The following TMEM131L variants were observed in gnomAD, a reference collection of about 807,000 sequenced individuals.
TMEM131L encodes transmembrane protein 131-like.
In TMEM131L, 54 loss-of-function variants were observed where a neutral mutation model predicts 192.2. That is an observed-to-expected ratio of 0.28 (90% CI 0.23 to 0.35). The LOEUF (loss-of-function observed/expected upper bound fraction) is 0.35, where lower values mean the gene tolerates loss of function less well. Ranked by LOEUF, TMEM131L falls within the 10% of genes least tolerant of loss-of-function variation. The pLI, the probability that TMEM131L is intolerant of heterozygous loss-of-function variation, is 1.00. For missense variants in TMEM131L, 1,888 were observed against 1,972.9 expected (o/e 0.96, Z 0.82); for synonymous variants, 701 against 704.9 (o/e 0.99, Z 0.09).
At chr4:153,504,351 C>T (rs1253517858) in intron 3 of TMEM131L, among the ~76,000 whole-genome samples, 1 of 129,716 alleles carries the variant, frequency 7.7e-6, no homozygotes, top group African/African-American at 2.9e-5. Flanking sequence ...GTGATCTCGG[C>T]TCACTGCAAC....
intron 3 of TMEM131L, among the ~76,000 whole-genome samples, chr4:153,483,096 G>A (rs1414600720): frequency 1.3e-5 from 2 of 152,062 alleles, no homozygotes; most frequent in African/African-American, 4.8e-5. Context: ...AAAACACTTC[G>A]TTAATGTCAA....
At chr4:153,601,064 T>A (rs1229662450) in intron 21 of TMEM131L, among the ~76,000 whole-genome samples, 1 of 150,234 alleles carries the variant, frequency 6.7e-6, no homozygotes, top group Non-Finnish European at 1.5e-5. Context: ...GAGCTGAGAT[T>A]GTATCACTGC....
At chr4:153,476,822 T>C (rs542332320) in intron 3 of TMEM131L, among the ~76,000 whole-genome samples, 1 of 152,326 alleles carries the variant, frequency 6.6e-6, no homozygotes, top group South Asian at 2.1e-4. Flanking sequence ...TTTAAAAAAA[T>C]GGATAATGGT....
intron 7 of TMEM131L, 57 bp downstream of exon 7, chr4:153,558,425 C>T: frequency 3.0e-6 from 3 of 1,004,572 alleles, no homozygotes; most frequent in South Asian, 1.4e-5. Flanking sequence ...GTAACCTTCT[C>T]AGAATTGGTT....
chr4:153,540,506 A>T (rs540248474), intron 3 of TMEM131L, among the ~76,000 whole-genome samples: 1 of 152,222 alleles, frequency 6.6e-6, no homozygotes, highest in African/African-American at 2.4e-5. Flanking sequence ...CATATGTGTT[A>T]TGTATTGTAG....
At position 153,611,234 on chromosome 4, in the gene TMEM131L, G is replaced by A. The variant is rs549506856; in HGVS notation, c.3419-1018G>A. Among the ~76,000 whole-genome samples, 10 of 152,336 alleles carry A rather than the reference G, an allele frequency of 6.6e-5. No individual in the cohort carries two copies. In the South Asian group the frequency reaches 2.1e-3, roughly 32 times the overall value. ...CCATGAAACAGTCATGTGTCCTTTG[G>A]TGGGGATGCTTTACGTTTGTATCTG... On this transcript the variant is annotated intron_variant, in intron 25 of 34. Coordinates refer to ENST00000409959, the MANE Select transcript of TMEM131L (RefSeq NM_001131007.2).
At chr4:153,488,664 A>G (rs993813598) in intron 3 of TMEM131L, among the ~76,000 whole-genome samples, 1 of 152,162 alleles carries the variant, frequency 6.6e-6, no homozygotes, top group East Asian at 1.9e-4. Flanking sequence ...CTCAAGTTCA[A>G]GTGTGGTGTA....
chr4:153,527,323 AGTGCAGTG>A (rs1193528648), intron 3 of TMEM131L, among the ~76,000 whole-genome samples: 2 of 150,702 alleles, frequency 1.3e-5, no homozygotes, highest in African/African-American at 5.0e-5. Context: ...CCCAGGCTGT[AGTGCAGTG>A]GTACGATCTC....
chr4:153,542,816 G>A (rs1405606545), intron 3 of TMEM131L, among the ~76,000 whole-genome samples: 1 of 152,212 alleles, frequency 6.6e-6, no homozygotes, highest in Non-Finnish European at 1.5e-5. Context: ...AAATCCTGGA[G>A]AGGGCAGGAC....
At chr4:153,507,609 G>A (rs952874468) in intron 3 of TMEM131L, among the ~76,000 whole-genome samples, 12 of 152,088 alleles carry the variant, frequency 7.9e-5, no homozygotes, top group Admixed American at 4.6e-4. Flanking sequence ...CTATCAAACC[G>A]TATTACCCAG....
intron 3 of TMEM131L, among the ~76,000 whole-genome samples, chr4:153,506,317 A>G (rs957715478): frequency 2.0e-5 from 3 of 152,246 alleles, no homozygotes; most frequent in African/African-American, 7.2e-5. Context: ...GACTGTCATC[A>G]CATTTCTCAA....
Position 153,548,541 on chromosome 4 carries a change from G to C in TMEM131L, c.240-1532G>C, listed in dbSNP as rs968073972. ...GATAGCCTTGATCTCCTGACCTTGTGATCTGTCCGCCTCAGCCTCCCAAAG... is the reference window on the plus strand; with the variant it reads ...GATAGCCTTGATCTCCTGACCTTGTCATCTGTCCGCCTCAGCCTCCCAAAG... On this transcript the variant is annotated intron_variant, in intron 3 of 34. Coordinates refer to ENST00000409959, the MANE Select transcript of TMEM131L (RefSeq NM_001131007.2). Among the ~76,000 whole-genome samples, 4 of 152,298 alleles carry C rather than the reference G, an allele frequency of 2.6e-5. No homozygotes were observed. The East Asian group carries it at 5.8e-4, about 22-fold the overall frequency.
intron 2 of TMEM131L, among the ~76,000 whole-genome samples, chr4:153,469,026 C>G (rs1268618189): frequency 6.6e-6 from 1 of 152,118 alleles, no homozygotes; most frequent in African/African-American, 2.4e-5. Flanking sequence ...ATGGAAATGT[C>G]AAGGCCTAAA....
intron 3 of TMEM131L, among the ~76,000 whole-genome samples, chr4:153,536,380 A>G (rs931754260): frequency 1.1e-4 from 16 of 152,258 alleles, no homozygotes; most frequent in African/African-American, 3.1e-4. Flanking sequence ...TGATTTGCAT[A>G]TGAGTGGCAT....
chr4:153,555,997 C>A lies in TMEM131L; in HGVS notation c.432+87C>A. 7.5e-7 allele frequency: 1 copy of A among 1,325,948 alleles called. No individual in the cohort carries two copies. The highest frequency in any genetic ancestry group is 1.0e-6 in the Non-Finnish European group (1 of 971,836). 82.1% of individuals were successfully genotyped at this position (1,325,948 alleles called of 1,614,324 possible). A position where few individuals can be genotyped will look rare whatever the true frequency, so the allele number is the denominator to read the frequency against. On this transcript the variant is annotated intron_variant, in intron 5 of 34. Transcript: ENST00000409959. This position sits in a 1 kb window ranked among gnomAD's most constrained non-coding sequence, Gnocchi z 4.1. ...TTTGGCCTGAAGTTTTTACTTTCTG[C>A]TCCCTGTCTCCCGCTTTTTCTGGTA... is the stretch of plus-strand genomic sequence containing the variant.
At chr4:153,530,855 C>T (rs1049879435) in intron 3 of TMEM131L, among the ~76,000 whole-genome samples, 2 of 152,146 alleles carry the variant, frequency 1.3e-5, no homozygotes, top group South Asian at 2.1e-4. Context: ...ACCAGCACCC[C>T]TTGTGGGCCA....
At chr4:153,546,446 G>A (rs1053922077) in intron 3 of TMEM131L, among the ~76,000 whole-genome samples, 10 of 151,990 alleles carry the variant, frequency 6.6e-5, no homozygotes, top group Non-Finnish European at 1.2e-4. Flanking sequence ...CGCAAGAAAG[G>A]GGGGAAAAGG....
chr4:153,513,500 TCTTA>T (rs1734500947), intron 3 of TMEM131L, among the ~76,000 whole-genome samples: 1 of 152,210 alleles, frequency 6.6e-6, no homozygotes, highest in Non-Finnish European at 1.5e-5. Flanking sequence ...GTTCTTGTTT[TCTTA>T]CTTACTCTTT....
chr4:153,484,794 T>A (rs1054334732), intron 3 of TMEM131L, among the ~76,000 whole-genome samples: 1 of 144,666 alleles, frequency 6.9e-6, no homozygotes, highest in South Asian at 2.2e-4. Flanking sequence ...TAAAGTCTCC[T>A]GTAAGCATGA....
Sources: gnomAD v4.1 joint callset for allele counts (sites outside exome capture counted in the v4.1 genomes callset) on GRCh38, gnomAD v4.1.1 for gene constraint, Gnocchi (gnomAD v3.1) non-coding constraint, MANE v1.5 for transcripts, NCBI Gene and HGNC (gene_info 2026-07-23, HGNC 2026-07-21) for gene names.